NKAIN2: variants seen among roughly 807,000 people sequenced by gnomAD.
NKAIN2 encodes sodium/potassium-transporting ATPase subunit beta-1-interacting protein 2.
Under a neutral mutation model 32.6 loss-of-function variants are expected in NKAIN2, and 14 were observed. The observed-to-expected ratio is 0.43, with a 90% CI of 0.28 to 0.67. NKAIN2 has a LOEUF of 0.67. Ranked by LOEUF, NKAIN2 falls within the 30% of genes least tolerant of loss-of-function variation. NKAIN2 has a pLI of 0.17. For missense variants in NKAIN2, 198 were observed against 258.3 expected, an observed-to-expected ratio of 0.77 and a Z score of 1.60; for synonymous variants, 80 against 87.2, an observed-to-expected ratio of 0.92 and a Z score of 0.46.
chr6:124,726,612 C>A (rs1291897075), intron 4 of NKAIN2, among the ~76,000 whole-genome samples: 1 of 149,294 alleles, frequency 6.7e-6, no homozygotes, highest in Non-Finnish European at 1.5e-5. Flanking sequence ...GGGGAAAAAA[C>A]AGAACAGAAA....
chr6:124,014,414 A>G (rs1301434203), intron 1 of NKAIN2, among the ~76,000 whole-genome samples: 1 of 152,106 alleles, frequency 6.6e-6, no homozygotes, highest in African/African-American at 2.4e-5. Context: ...ATATATTTCT[A>G]CAAAGTAATT....
intron 1 of NKAIN2, among the ~76,000 whole-genome samples, chr6:123,904,208 G>T (rs1218431249): frequency 6.6e-6 from 1 of 151,484 alleles, no homozygotes; most frequent in Non-Finnish European, 1.5e-5. Context: ...TCCAGCCTGG[G>T]CAACAAGAGT....
intron 4 of NKAIN2, among the ~76,000 whole-genome samples, chr6:124,663,756 T>A (rs909301596): frequency 6.6e-6 from 1 of 152,210 alleles, no homozygotes; most frequent in Non-Finnish European, 1.5e-5. Flanking sequence ...TTTGCTTTCA[T>A]TAAAATTGAA....
intron 3 of NKAIN2, among the ~76,000 whole-genome samples, chr6:124,549,614 C>T (rs1780216989): frequency 6.6e-6 from 1 of 152,128 alleles, no homozygotes; most frequent in African/African-American, 2.4e-5. Context: ...CCCAGGATCC[C>T]ACATCTCGTT....
chr6:123,828,956 A>G (rs1157612680), intron 1 of NKAIN2: 1 of 152,120 alleles, frequency 6.6e-6, no homozygotes, highest in East Asian at 1.9e-4. Context: ...TTATGCATTC[A>G]TGTCCTCCAA....
At chr6:124,382,355 A>C (rs990802) in intron 3 of NKAIN2, among the ~76,000 whole-genome samples, 18,657 of 152,152 alleles carry the variant, frequency 0.12, 1,631 homozygotes, top group African/African-American at 0.24. Context: ...TCCATCATAA[A>C]TGAAATCAGC....
intron 4 of NKAIN2, among the ~76,000 whole-genome samples, chr6:124,686,635 G>T (rs1288083964): frequency 6.6e-6 from 1 of 152,156 alleles, no homozygotes; most frequent in Non-Finnish European, 1.5e-5. Flanking sequence ...TATTTGGGTA[G>T]GGATACAGAT....
At chr6:124,336,682 G>GTTT (rs71543265) in intron 2 of NKAIN2, among the ~76,000 whole-genome samples, 5 of 142,370 alleles carry the variant, frequency 3.5e-5, no homozygotes, top group Non-Finnish European at 4.6e-5. Flanking sequence ...TTTTTTGTTT[G>GTTT]TTTTTTTTTT....
chr6:124,721,403 C>CAAA (rs11330814), intron 4 of NKAIN2, among the ~76,000 whole-genome samples: 8 of 101,754 alleles, frequency 7.9e-5, no homozygotes, highest in African/African-American at 1.8e-4. Flanking sequence ...GACTCCGTCT[C>CAAA]AAAAAAAAAA....
chr6:124,146,954 TCTC>T (rs2114367206), intron 1 of NKAIN2, among the ~76,000 whole-genome samples: 1 of 152,288 alleles, frequency 6.6e-6, no homozygotes, highest in African/African-American at 2.4e-5. Flanking sequence ...TAGTGTTTCA[TCTC>T]CTAAACTGGG....
At chr6:124,647,496 C>CAAAAAAAAA (rs1157607122) in intron 3 of NKAIN2, among the ~76,000 whole-genome samples, 17 of 58,942 alleles carry the variant, frequency 2.9e-4, no homozygotes, top group South Asian at 9.5e-4. Flanking sequence ...GAGACTCTGT[C>CAAAAAAAAA]AAAAAAAAAA....
chr6:124,223,865 C>A (rs1791963469), intron 1 of NKAIN2, among the ~76,000 whole-genome samples: 1 of 152,094 alleles, frequency 6.6e-6, no homozygotes, highest in African/African-American at 2.4e-5. Flanking sequence ...ATATAGAGAT[C>A]TGCATAGTAA....
intron 2 of NKAIN2, among the ~76,000 whole-genome samples, chr6:124,284,427 A>G (rs1304792142): frequency 6.6e-6 from 1 of 152,164 alleles, no homozygotes; most frequent in Non-Finnish European, 1.5e-5. Context: ...TTTAAAATGA[A>G]AGTAGTCATT....
intron 2 of NKAIN2, among the ~76,000 whole-genome samples, chr6:124,345,388 G>A (rs922978932): frequency 6.6e-5 from 10 of 152,102 alleles, no homozygotes; most frequent in Non-Finnish European, 1.3e-4. Context: ...CTGTTGTTTG[G>A]AATTGTTTCA....
chr6:124,163,745 T>G (rs2114463048), intron 1 of NKAIN2, among the ~76,000 whole-genome samples: 1 of 151,978 alleles, frequency 6.6e-6, no homozygotes, highest in Admixed American at 6.6e-5. Context: ...ACAGAGATAA[T>G]TAAAGGAATG....
At chr6:124,712,645 C>A (rs1443491966) in intron 4 of NKAIN2, among the ~76,000 whole-genome samples, 1 of 151,212 alleles carries the variant, frequency 6.6e-6, no homozygotes, top group South Asian at 2.1e-4. Context: ...TTGCGCTTCC[C>A]AAGTGAGGCA....
At chr6:124,349,291 C>CT (rs1254545135) in intron 2 of NKAIN2, among the ~76,000 whole-genome samples, 1 of 152,058 alleles carries the variant, frequency 6.6e-6, no homozygotes, top group Admixed American at 6.6e-5. Context: ...AGCCAGCCTG[C>CT]TCCCCCCTAC....
At chr6:124,573,057 C>G (rs575322949) in intron 3 of NKAIN2, among the ~76,000 whole-genome samples, 1 of 152,130 alleles carries the variant, frequency 6.6e-6, no homozygotes. Context: ...CCAAGCTGGT[C>G]TCAAACTCCT....
chr6:124,164,640 T>C (rs946439219), intron 1 of NKAIN2, among the ~76,000 whole-genome samples: 2 of 152,070 alleles, frequency 1.3e-5, no homozygotes, highest in African/African-American at 4.8e-5. Context: ...CTTTTTTTCT[T>C]TCAATTTATG....
Sources: allele counts gnomAD v4.1 joint callset (sites outside exome capture counted in the v4.1 genomes callset), GRCh38; gene constraint gnomAD v4.1.1; transcripts MANE v1.5; gene names NCBI Gene and HGNC (gene_info 2026-07-23, HGNC 2026-07-21).